DHRSX: variants seen among roughly 807,000 people sequenced by gnomAD.
DHRSX encodes the protein dehydrogenase/reductase X-linked.
In DHRSX, 31 loss-of-function variants were observed where a neutral mutation model predicts 34.0. The ratio of observed to expected loss-of-function variants is 0.91; its 90% CI spans 0.69 to 1.23. The LOEUF (loss-of-function observed/expected upper bound fraction) is 1.23. DHRSX is among the 50% of genes most tolerant of loss of function. DHRSX has a pLI of 0.00. For missense variants in DHRSX, 414 were observed against 428.1 expected, an observed-to-expected ratio of 0.97 and a Z score of 0.29; for synonymous variants, 201 against 183.8, an observed-to-expected ratio of 1.09 and a Z score of -0.76.
intron 3 of DHRSX, among the ~76,000 whole-genome samples, chrX:2,314,465 G>C: frequency 1.4e-5 from 1 of 70,920 alleles, no homozygotes; most frequent in Non-Finnish European, 3.1e-5. Flanking sequence ...GAGGAAGGAA[G>C]GGGAGAAGGA....
chrX:2,249,983 G>T (rs767214252), intron 5 of DHRSX, among the ~76,000 whole-genome samples: 12 of 151,848 alleles, frequency 7.9e-5, no homozygotes, highest in African/African-American at 2.9e-4. Context: ...CTAACACGGT[G>T]AAACCCCGTC....
intron 3 of DHRSX, among the ~76,000 whole-genome samples, chrX:2,364,672 A>G (rs1170677133): frequency 1.3e-5 from 2 of 152,130 alleles, no homozygotes. Flanking sequence ...TTTATCATCT[A>G]TCATCTACTT....
intron 1 of DHRSX, among the ~76,000 whole-genome samples, chrX:2,465,809 C>CAAAAAAA (rs375728172): frequency 1.2e-5 from 1 of 84,710 alleles, no homozygotes. Flanking sequence ...AACTCCATCG[C>CAAAAAAA]AAAAAAAAAA....
At position 2,238,406 on chromosome X, in the gene DHRSX, G is replaced by A. The variant is rs150161096; in HGVS notation, c.804+4617C>T. 5.9e-3 allele frequency among the ~76,000 whole-genome samples: 904 copies of A among 152,022 alleles called. 4 individuals are homozygous for A. The highest frequency in any genetic ancestry group is 0.014 in the Middle Eastern group (4 of 294). ...GTTTTTCTTCTGGTACCGACTGGTC[G>A]CCCAGGTTACTGGCCGTGAATTTGG... On this transcript the variant is annotated intron_variant, in intron 6 of 6. Transcript: ENST00000334651.
At chrX:2,363,172 C>G (rs2042955167) in intron 3 of DHRSX, among the ~76,000 whole-genome samples, 1 of 111,674 alleles carries the variant, frequency 9.0e-6, no homozygotes, top group Admixed American at 9.7e-5. Flanking sequence ...TATCATGCCG[C>G]CATTTTATCA....
chrX:2,320,411 A>C (rs73187630), intron 3 of DHRSX, among the ~76,000 whole-genome samples: 90,814 of 137,724 alleles, frequency 0.66, 30,883 homozygotes, highest in Middle Eastern at 0.76. Flanking sequence ...TCTCCTCCCT[A>C]ATCCTCCTGA....
At chrX:2,358,149 G>C (rs1602999781) in intron 3 of DHRSX, among the ~76,000 whole-genome samples, 1 of 152,100 alleles carries the variant, frequency 6.6e-6, no homozygotes, top group Non-Finnish European at 1.5e-5. Context: ...CTAACACTTG[G>C]TTTAAAGTTA....
At chrX:2,366,029 G>A (rs1353033315) in intron 3 of DHRSX, among the ~76,000 whole-genome samples, 1 of 152,116 alleles carries the variant, frequency 6.6e-6, no homozygotes, top group African/African-American at 2.4e-5. Flanking sequence ...TGTCTTTCCC[G>A]AATGGGAATC....
At chrX:2,271,373 G>A (rs755890286) in intron 4 of DHRSX, among the ~76,000 whole-genome samples, 14 of 152,340 alleles carry the variant, frequency 9.2e-5, no homozygotes, top group Admixed American at 2.6e-4. Flanking sequence ...AATGGTGGCA[G>A]GGGAGAGGCA....
At position 2,246,751 on chromosome X, in the gene DHRSX, A is replaced by AG. The variant is rs1372590284; in HGVS notation, c.597-3522_597-3521insC. ...AAGAAAGAAAGAAAGAAAGAAAGAA[A>AG]AAGAAAGAAAATAAAAGAATAGAAA... is the stretch of plus-strand genomic sequence containing the variant. On this transcript the variant is annotated intron_variant, in intron 5 of 6. Transcript: ENST00000334651. Among the ~76,000 whole-genome samples the AG allele has an allele frequency of 1.6e-4, 18 of 110,594 alleles. No individual in the cohort carries two copies. The East Asian group carries it at 4.5e-3, about 27-fold the overall frequency. The allele number at this position is 110,594 out of a possible 152,430, so 72.6% of individuals were successfully genotyped here. A position where few individuals can be genotyped will look rare whatever the true frequency, so the allele number is the denominator to read the frequency against.
intron 1 of DHRSX, chrX:2,489,346 G>C (rs376768668): frequency 6.2e-7 from 1 of 1,613,548 alleles, no homozygotes; most frequent in Non-Finnish European, 8.5e-7. Flanking sequence ...TCTCCTGGTA[G>C]GTCTTGGAAA....
intron 3 of DHRSX, among the ~76,000 whole-genome samples, chrX:2,407,281 G>C (rs2317174): frequency 6.6e-6 from 1 of 152,076 alleles, no homozygotes; most frequent in Middle Eastern, 3.2e-3. Flanking sequence ...CAGTGAAAGC[G>C]TGGGCTAGGG....
At chrX:2,297,720 G>C (rs1207003040) in intron 3 of DHRSX, among the ~76,000 whole-genome samples, 1 of 151,400 alleles carries the variant, frequency 6.6e-6, no homozygotes, top group Non-Finnish European at 1.5e-5. Flanking sequence ...CAAAATGCTA[G>C]GATGACAGGA....
chrX:2,273,805 C>T (rs1158920246), intron 4 of DHRSX, among the ~76,000 whole-genome samples: 2 of 152,180 alleles, frequency 1.3e-5, no homozygotes, highest in Non-Finnish European at 1.5e-5. Context: ...GTGACAACAG[C>T]ATCGTTGGGG....
At chrX:2,442,776 C>G (rs2044079381) in intron 1 of DHRSX, among the ~76,000 whole-genome samples, 1 of 152,154 alleles carries the variant, frequency 6.6e-6, no homozygotes, top group Non-Finnish European at 1.5e-5. Flanking sequence ...CACGTAGAAG[C>G]TCTCAGGAAT....
At chrX:2,347,410 G>C (rs772392110) in intron 3 of DHRSX, among the ~76,000 whole-genome samples, 1 of 152,272 alleles carries the variant, frequency 6.6e-6, no homozygotes, top group East Asian at 1.9e-4. Flanking sequence ...GATGAGATTT[G>C]GGGCCGGGCG....
intron 3 of DHRSX, among the ~76,000 whole-genome samples, chrX:2,350,261 G>C (rs1430987687): frequency 6.6e-6 from 1 of 151,856 alleles, no homozygotes; most frequent in African/African-American, 2.4e-5. Context: ...TGAGGCAGGA[G>C]AATCATTTGA....
At chrX:2,319,001 C>G (rs2042273978) in intron 3 of DHRSX, among the ~76,000 whole-genome samples, 1 of 152,106 alleles carries the variant, frequency 6.6e-6, no homozygotes. Context: ...CGGGGTTGGT[C>G]AACTGCAGCC....
chrX:2,424,214 G>A (rs1044304851), intron 2 of DHRSX, among the ~76,000 whole-genome samples: 1 of 152,082 alleles, frequency 6.6e-6, no homozygotes, highest in Non-Finnish European at 1.5e-5. Context: ...GGAGGAACCA[G>A]CCCTGCCCAC....
Sources: allele counts gnomAD v4.1 joint callset (sites outside exome capture counted in the v4.1 genomes callset), GRCh38; gene constraint gnomAD v4.1.1; transcripts MANE v1.5; gene names NCBI Gene and HGNC (gene_info 2026-07-23, HGNC 2026-07-21).